Variants in GTF2H4 observed in about 807,000 individuals in gnomAD.
GTF2H4 encodes BTF2 p52.
In GTF2H4, 49 loss-of-function variants were observed where a neutral mutation model predicts 62.2. The observed-to-expected ratio is 0.79, with a 90% CI of 0.63 to 1.00. The LOEUF (loss-of-function observed/expected upper bound fraction) is 1.00. Among genes scored for constraint, GTF2H4 ranks in the 50% least tolerant of loss-of-function variants. The pLI is 0.00. For missense variants in GTF2H4, 479 were observed against 587.8 expected (o/e 0.81, Z 1.91); for synonymous variants, 189 against 233.8 (o/e 0.81, Z 1.75).
chr6:30,910,146 C>T lies in GTF2H4; in HGVS notation c.374+83C>T. On this transcript the variant is annotated intron_variant, in intron 4 of 13. Coordinates refer to ENST00000259895, the MANE Select transcript of GTF2H4 (RefSeq NM_001517.5). The surrounding 1 kb of genome is among the most constrained non-coding windows in gnomAD (Gnocchi z 4.7). ...ACTAATTAAACTTTGGGAGGGGGAG[C>T]TCCTGGGGGCCTCCCCAGAACCTTG... The T allele has an allele frequency of 1.4e-6, 2 of 1,468,986 alleles. No homozygotes were observed. The highest frequency in any genetic ancestry group is 1.2e-5 in the South Asian group (1 of 80,680). The allele number at this position is 1,468,986 out of a possible 1,614,324, so 91.0% of individuals were successfully genotyped here.
In GTF2H4 at chr6:30,911,231, C is replaced by A; in HGVS notation, c.634C>A (p.Leu212Ile). The A allele has an allele frequency of 1.2e-6, 2 of 1,613,680 alleles. No homozygotes were observed. Among genetic ancestry groups the A allele is most frequent in the Non-Finnish European group, 8.5e-7 (1 of 1,180,012 alleles). ...QFLLLDTPAQLWYFMLQYLQT... is the reference protein window; with the variant it reads ...QFLLLDTPAQIWYFMLQYLQT... ...CCTGTTGCTGGACACCCCGGCTCAG[C>A]TCTGGTACTTTATGTTGCAGTATTT... Residue 212 changes from leucine (L) to isoleucine (I), a missense_variant, in exon 7 of 14, where the codon CTC becomes ATC. Transcript: ENST00000259895. The surrounding 1 kb of genome is among the most constrained non-coding windows in gnomAD (Gnocchi z 4.3).
In GTF2H4 at chr6:30,912,967, G is replaced by C. The variant is rs1230624274; in HGVS notation, c.1090-143G>C. ...CTGGGAGCAGCAACGTGGGATAACAGCTGAACTGGGATGGGTGGAGTTGAT... is the reference window on the plus strand; with the variant it reads ...CTGGGAGCAGCAACGTGGGATAACACCTGAACTGGGATGGGTGGAGTTGAT... On this transcript the variant is annotated intron_variant, in intron 11 of 13. Coordinates refer to ENST00000259895, the MANE Select transcript of GTF2H4 (RefSeq NM_001517.5). The surrounding 1 kb of genome is among the most constrained non-coding windows in gnomAD (Gnocchi z 4.8). 6.9e-6 allele frequency: 5 copies of C among 720,180 alleles called. No individual in the cohort carries two copies. Among genetic ancestry groups the C allele is most frequent in the Non-Finnish European group, 9.2e-6 (4 of 437,122 alleles). The allele number at this position is 720,180 out of a possible 1,614,324, so 44.6% of individuals were successfully genotyped here. A position where few individuals can be genotyped will look rare whatever the true frequency, so the allele number is the denominator to read the frequency against.
In GTF2H4 at chr6:30,910,483, C is replaced by T. The variant is rs1020276328; in HGVS notation, c.375-182C>T. On this transcript the variant is annotated intron_variant, in intron 4 of 13. Coordinates refer to ENST00000259895, the MANE Select transcript of GTF2H4 (RefSeq NM_001517.5). This position sits in a 1 kb window ranked among gnomAD's most constrained non-coding sequence, Gnocchi z 4.7. Reference sequence around the variant, plus strand: ...TAGCTGGGATTACAGGCACCCACCACGACGCCAGGCTAATTTTTTGTATTT... The same window carrying T: ...TAGCTGGGATTACAGGCACCCACCATGACGCCAGGCTAATTTTTTGTATTT... The T allele has an allele frequency of 3.9e-5, 25 of 634,874 alleles. No individual in the cohort carries two copies. The highest frequency in any genetic ancestry group is 4.1e-4 in the Middle Eastern group (1 of 2,424). 39.3% of individuals were successfully genotyped at this position (634,874 alleles called of 1,614,324 possible).
rs947504510 is a variant in GTF2H4 at position 30,911,101 on chromosome 6, T to G, written c.561-57T>G. 40 of 1,433,228 alleles carry G rather than the reference T, an allele frequency of 2.8e-5. No homozygotes were observed. Among genetic ancestry groups the G allele is most frequent in the Non-Finnish European group, 3.6e-5 (37 of 1,017,236 alleles). 88.8% of individuals were successfully genotyped at this position (1,433,228 alleles called of 1,614,324 possible). On this transcript the variant is annotated intron_variant, in intron 6 of 13. Coordinates refer to ENST00000259895, the MANE Select transcript of GTF2H4 (RefSeq NM_001517.5). This position sits in a 1 kb window ranked among gnomAD's most constrained non-coding sequence, Gnocchi z 4.3. Reference sequence around the variant, plus strand: ...CCAAGAAAAAACGTGAGTGGACAAGTGGGGATAGTAGTCTTTCTCTGCATA... The same window carrying G: ...CCAAGAAAAAACGTGAGTGGACAAGGGGGGATAGTAGTCTTTCTCTGCATA...
chr6:30,911,556 G>A lies in GTF2H4; in HGVS notation c.741+57G>A. ...GAAGGGGAAAGCAAGTTGTGGGGCA[G>A]TAGAGTAGACTGAGAAGATAAGAAT... On this transcript the variant is annotated intron_variant, in intron 8 of 13. Coordinates refer to ENST00000259895, the MANE Select transcript of GTF2H4 (RefSeq NM_001517.5). The surrounding 1 kb of genome is among the most constrained non-coding windows in gnomAD (Gnocchi z 4.3). The A allele has an allele frequency of 7.1e-7, 1 of 1,417,552 alleles. No individual in the cohort carries two copies. The highest frequency in any genetic ancestry group is 9.8e-7 in the Non-Finnish European group (1 of 1,020,238). 87.8% of individuals were successfully genotyped at this position (1,417,552 alleles called of 1,614,324 possible).
Position 30,912,099 on chromosome 6 carries a change from C to A in GTF2H4, c.911C>A (p.Pro304Gln). ...VSGAGGTVHQ[P>Q]GFIVVETNYR... ...GGAGCTGGGGGCACTGTGCATCAGCCAGGTTTCATTGTCGTGGAAACCAAT... is the reference window on the plus strand; with the variant it reads ...GGAGCTGGGGGCACTGTGCATCAGCAAGGTTTCATTGTCGTGGAAACCAAT... The change falls in exon 10 of 14, where the codon CCA (proline) becomes CAA (glutamine). Residue 304 changes from proline (P) to glutamine (Q), a missense_variant. Coordinates refer to ENST00000259895, the MANE Select transcript of GTF2H4 (RefSeq NM_001517.5). The surrounding 1 kb of genome is among the most constrained non-coding windows in gnomAD (Gnocchi z 4.8). 1 of 1,612,930 alleles carries A rather than the reference C, an allele frequency of 6.2e-7. No homozygotes were observed. Among genetic ancestry groups the A allele is most frequent in the African/African-American group, 1.3e-5 (1 of 75,008 alleles).
Position 30,912,183 on chromosome 6 carries a change from G to A in GTF2H4, c.958+37G>A. 1 of 1,610,940 alleles carries A rather than the reference G, an allele frequency of 6.2e-7. No homozygotes were observed. The highest frequency in any genetic ancestry group is 8.5e-7 in the Non-Finnish European group (1 of 1,178,652). On this transcript the variant is annotated intron_variant, in intron 10 of 13. Coordinates refer to ENST00000259895, the MANE Select transcript of GTF2H4 (RefSeq NM_001517.5). The surrounding 1 kb of genome is among the most constrained non-coding windows in gnomAD (Gnocchi z 4.8). ...CAGAGGGCCCCTGGAAGAGGAGGTT[G>A]GGGGTGAGGGAATGCCAGTTTATGT...
In GTF2H4 at chr6:30,911,537, G is replaced by T; in HGVS notation, c.741+38G>T. ...CTGAAAGGTATAGAGATGGGAAGGG[G>T]AAAGCAAGTTGTGGGGCAGTAGAGT... On this transcript the variant is annotated intron_variant, in intron 8 of 13. Transcript: ENST00000259895. This position sits in a 1 kb window ranked among gnomAD's most constrained non-coding sequence, Gnocchi z 4.3. 1 of 1,566,280 alleles carries T rather than the reference G, an allele frequency of 6.4e-7. No individual in the cohort carries two copies. The highest frequency in any genetic ancestry group is 8.8e-7 in the Non-Finnish European group (1 of 1,138,644).
In GTF2H4 at chr6:30,910,670, A is replaced by T; in HGVS notation, c.380A>T (p.Lys127Met). The part of the protein sequence containing the change: ...NLRIALLGGG[K>M]AWSDDTSQLG... The stretch of plus-strand genomic sequence containing the variant: ...TTGGCCCATCCTGGCCGTAGGGGGA[A>T]GGCCTGGTCTGATGACACAAGTCAG... Residue 127 changes from lysine to methionine, a missense_variant, in exon 5 of 14, where the codon AAG becomes ATG. Transcript: ENST00000259895. This position sits in a 1 kb window ranked among gnomAD's most constrained non-coding sequence, Gnocchi z 4.7. The T allele has an allele frequency of 6.2e-7, 1 of 1,612,358 alleles. No homozygotes were observed. Among genetic ancestry groups the T allele is most frequent in the Non-Finnish European group, 8.5e-7 (1 of 1,179,422 alleles).
At position 30,913,941 on chromosome 6, in the gene GTF2H4, C is replaced by T; in HGVS notation, c.1347C>T (p.Ser449=). Residue 449 remains serine, a synonymous_variant, in exon 14 of 14, where the codon AGC becomes AGT. Coordinates refer to ENST00000259895, the MANE Select transcript of GTF2H4 (RefSeq NM_001517.5). The surrounding 1 kb of genome is among the most constrained non-coding windows in gnomAD (Gnocchi z 4.2). ...TGGTGGTGACCCCGGCCGGGCACAG[C>T]GACGTCAAGCGCTTTTGGAAGCGGC... is the stretch of plus-strand genomic sequence containing the variant. The part of the protein sequence containing the change: ...RLMVVTPAGH[S]DVKRFWKRQK... 6.2e-7 allele frequency: 1 copy of T among 1,605,364 alleles called. No individual in the cohort carries two copies. The highest frequency in any genetic ancestry group is 1.1e-5 in the South Asian group (1 of 90,386).
Position 30,911,002 on chromosome 6 carries a change from T to C in GTF2H4, c.560+61T>C. Reference sequence around the variant, plus strand: ...GCCATCTCCTTGGGTCCCTAAGAAATGGTATCTGGGGCTAGTCAAGATCAG... The same window carrying C: ...GCCATCTCCTTGGGTCCCTAAGAAACGGTATCTGGGGCTAGTCAAGATCAG... On this transcript the variant is annotated intron_variant, in intron 6 of 13. Transcript: ENST00000259895. The surrounding 1 kb of genome is among the most constrained non-coding windows in gnomAD (Gnocchi z 4.3). 1 of 1,421,252 alleles carries C rather than the reference T, an allele frequency of 7.0e-7. No individual in the cohort carries two copies. 88.0% of individuals were successfully genotyped at this position (1,421,252 alleles called of 1,614,324 possible).
At position 30,912,319 on chromosome 6, in the gene GTF2H4, C is replaced by T; in HGVS notation, c.959-9C>T. The stretch of plus-strand genomic sequence containing the variant: ...TGGCCTCCTCATCCTCTTTCTATCC[C>T]TGGCTCAGAGTCGGAGCTGCAGATT... On this transcript the variant is annotated splice_polypyrimidine_tract_variant and intron_variant, in intron 10 of 13. Coordinates refer to ENST00000259895, the MANE Select transcript of GTF2H4 (RefSeq NM_001517.5). The surrounding 1 kb of genome is among the most constrained non-coding windows in gnomAD (Gnocchi z 4.8). The T allele has an allele frequency of 6.2e-7, 1 of 1,612,886 alleles. No homozygotes were observed. Among genetic ancestry groups the T allele is most frequent in the Non-Finnish European group, 8.5e-7 (1 of 1,179,968 alleles).
In GTF2H4 at chr6:30,910,159, C is replaced by T. The variant is rs2150535261; in HGVS notation, c.374+96C>T. ...TGGGAGGGGGAGCTCCTGGGGGCCT[C>T]CCCAGAACCTTGTGGTCTCCACGTT... On this transcript the variant is annotated intron_variant, in intron 4 of 13. Transcript: ENST00000259895. The surrounding 1 kb of genome is among the most constrained non-coding windows in gnomAD (Gnocchi z 4.7). 1.5e-6 allele frequency: 2 copies of T among 1,371,656 alleles called. No homozygotes were observed. Among genetic ancestry groups the T allele is most frequent in the Non-Finnish European group, 2.0e-6 (2 of 988,114 alleles). The allele number at this position is 1,371,656 out of a possible 1,614,324, so 85.0% of individuals were successfully genotyped here.
In GTF2H4 at chr6:30,911,310, C is replaced by G. The variant is rs1455408462; in HGVS notation, c.672+41C>G. 6.4e-7 allele frequency: 1 copy of G among 1,550,844 alleles called. No individual in the cohort carries two copies. Among genetic ancestry groups the G allele is most frequent in the East Asian group, 2.2e-5 (1 of 44,614 alleles). ...CACTTAACCAGCATGCTCTGCTCCT[C>G]TCAGGTCTCACTGAGAGACTCCTGC... On this transcript the variant is annotated intron_variant, in intron 7 of 13. Coordinates refer to ENST00000259895, the MANE Select transcript of GTF2H4 (RefSeq NM_001517.5). The surrounding 1 kb of genome is among the most constrained non-coding windows in gnomAD (Gnocchi z 4.3).
Position 30,913,293 on chromosome 6 carries a change from C to A in GTF2H4, c.1138-16C>A. ...CAGTATTCTGAGTCCCTACAGTCAA[C>A]CCTTGCTCCTTGCAGACACCTGTGC... On this transcript the variant is annotated splice_polypyrimidine_tract_variant and intron_variant, in intron 12 of 13. Coordinates refer to ENST00000259895, the MANE Select transcript of GTF2H4 (RefSeq NM_001517.5). The surrounding 1 kb of genome is among the most constrained non-coding windows in gnomAD (Gnocchi z 4.2). The A allele has an allele frequency of 6.2e-7, 1 of 1,614,002 alleles. No individual in the cohort carries two copies. The highest frequency in any genetic ancestry group is 8.5e-7 in the Non-Finnish European group (1 of 1,179,970).
Position 30,912,447 on chromosome 6 carries a change from A to G in GTF2H4, c.1078A>G (p.Thr360Ala). 1 of 1,612,482 alleles carries G rather than the reference A, an allele frequency of 6.2e-7. No individual in the cohort carries two copies. Among genetic ancestry groups the G allele is most frequent in the Non-Finnish European group, 8.5e-7 (1 of 1,180,016 alleles). The change falls in exon 11 of 14, where the codon ACA (threonine) becomes GCA (alanine). Residue 360 changes from threonine (T) to alanine (A), a missense_variant. Thr to Ala is a moderately conservative substitution (Grantham distance 58). Transcript: ENST00000259895. The surrounding 1 kb of genome is among the most constrained non-coding windows in gnomAD (Gnocchi z 4.8). ...SVQQAIASGI[T>A]AQQIIHFLRT... is the part of the protein sequence containing the mutation. ...GCAGCAGGCAATCGCCAGTGGCATC[A>G]CAGCCCAGCAGGTATTCCCACTTGG...
At position 30,914,022 on chromosome 6, in the gene GTF2H4, T is replaced by C. The variant is rs138214047; in HGVS notation, c.*39T>C. Reference sequence around the variant, plus strand: ...GGACACGGACCTCGGCGGGCGGGACTGGGCGGGGCGGGGCATCAGAACTCA... The same window carrying C: ...GGACACGGACCTCGGCGGGCGGGACCGGGCGGGGCGGGGCATCAGAACTCA... On this transcript the variant is annotated 3_prime_UTR_variant, in exon 14 of 14. Transcript: ENST00000259895. The C allele has an allele frequency of 1.4e-6, 1 of 698,684 alleles. No individual in the cohort carries two copies. 43.3% of individuals were successfully genotyped at this position (698,684 alleles called of 1,614,324 possible).
In GTF2H4 at chr6:30,909,617, GTT is replaced by G. The variant is rs1793684210; in HGVS notation, c.242+79_242+80del. ...GTTCCTTGGAGCACTTCCAGGAAGT[GTT>G]AATAGATATATCACAAAACTTAAAA... On this transcript the variant is annotated intron_variant, in intron 3 of 13. Coordinates refer to ENST00000259895, the MANE Select transcript of GTF2H4 (RefSeq NM_001517.5). The surrounding 1 kb of genome is among the most constrained non-coding windows in gnomAD (Gnocchi z 4.3). 2 of 860,684 alleles carry G rather than the reference GTT, an allele frequency of 2.3e-6. No individual in the cohort carries two copies. The highest frequency in any genetic ancestry group is 1.7e-5 in the African/African-American group (1 of 59,208). The allele number at this position is 860,684 out of a possible 1,614,324, so 53.3% of individuals were successfully genotyped here. A position where few individuals can be genotyped will look rare whatever the true frequency, so the allele number is the denominator to read the frequency against.
rs900151159 is a variant in GTF2H4 at position 30,909,864 on chromosome 6, A to G, written c.243-68A>G. 8.1e-6 allele frequency: 12 copies of G among 1,490,404 alleles called. No individual in the cohort carries two copies. Among genetic ancestry groups the G allele is most frequent in the Non-Finnish European group, 1.0e-5 (11 of 1,094,770 alleles). The allele number at this position is 1,490,404 out of a possible 1,614,324, so 92.3% of individuals were successfully genotyped here. A position where few individuals can be genotyped will look rare whatever the true frequency, so the allele number is the denominator to read the frequency against. On this transcript the variant is annotated intron_variant, in intron 3 of 13. Transcript: ENST00000259895. This position sits in a 1 kb window ranked among gnomAD's most constrained non-coding sequence, Gnocchi z 4.3. The stretch of plus-strand genomic sequence containing the variant: ...GTCAGCAAGTTCAGAACAGGCAGAG[A>G]TGGTGGCTTTTATGGGCCTCCTTTT...
Sources: allele counts gnomAD v4.1 joint callset, GRCh38; gene constraint gnomAD v4.1.1; non-coding constraint Gnocchi (gnomAD v3.1); transcripts MANE v1.5; gene names NCBI Gene and HGNC (gene_info 2026-07-23, HGNC 2026-07-21).